AFF3: variants seen among roughly 807,000 people sequenced by gnomAD.
The protein encoded by AFF3 is ALF transcription elongation factor 3.
AFF3 carries 32 observed loss-of-function variants against 129.7 expected under a neutral mutation model. That is an observed-to-expected ratio of 0.25 (90% CI 0.19 to 0.33). The LOEUF is 0.33. Ranked by LOEUF, AFF3 falls within the 10% of genes least tolerant of loss-of-function variation. The probability of loss-of-function intolerance (pLI) is 1.00; values close to 1 mark genes in which losing one functional copy is unlikely to be tolerated. For synonymous variants in AFF3, 644 were observed against 635.4 expected (o/e 1.01, Z -0.20); for missense variants, 1,373 against 1,592.0 (o/e 0.86, Z 2.34).
chr2:99,653,372 TC>T (rs1281112040), intron 12 of AFF3, among the ~76,000 whole-genome samples: 1 of 152,156 alleles, frequency 6.6e-6, no homozygotes, highest in Non-Finnish European at 1.5e-5. Context: ...TCTGAATTTC[TC>T]CCTAGTCATG....
At chr2:99,859,254 T>C (rs1457240695) in intron 7 of AFF3, among the ~76,000 whole-genome samples, 1 of 152,214 alleles carries the variant, frequency 6.6e-6, no homozygotes, top group East Asian at 1.9e-4. Flanking sequence ...GCTGGAGCTA[T>C]CTGCAGACAT....
In AFF3 at chr2:100,065,060, C is replaced by T. The variant is rs182857936; in HGVS notation, c.53+39342G>A. The stretch of plus-strand genomic sequence containing the variant: ...TCTAACTCCCAGAAAATATAATTCA[C>T]GCACATTTTATACCACACAGCATCC... On this transcript the variant is annotated intron_variant, in intron 4 of 24. Transcript: ENST00000672756. Among the ~76,000 whole-genome samples the T allele has an allele frequency of 9.8e-5, 15 of 152,318 alleles. No homozygotes were observed. The South Asian group carries it at 1.7e-3, about 17-fold the overall frequency.
intron 4 of AFF3, among the ~76,000 whole-genome samples, chr2:100,037,670 T>A (rs1443474841): frequency 1.7e-5 from 2 of 116,598 alleles, no homozygotes; most frequent in African/African-American, 6.6e-5. Context: ...TATATATTAT[T>A]TATATATAAA....
intron 7 of AFF3, among the ~76,000 whole-genome samples, chr2:99,947,569 G>C (rs1675710557): frequency 1.4e-5 from 2 of 139,150 alleles, no homozygotes; most frequent in African/African-American, 6.1e-5. Flanking sequence ...GAAAGAGAAA[G>C]AAAGAAAAGA....
intron 12 of AFF3, among the ~76,000 whole-genome samples, chr2:99,669,187 A>G (rs1445348611): frequency 6.6e-6 from 1 of 152,190 alleles, no homozygotes; most frequent in African/African-American, 2.4e-5. Flanking sequence ...TCCAACAAAA[A>G]TGTTCCCATG....
chr2:99,921,762 G>T (rs1184252721), intron 7 of AFF3, among the ~76,000 whole-genome samples: 4 of 151,556 alleles, frequency 2.6e-5, no homozygotes. Flanking sequence ...ACCATCAAAA[G>T]AATAAACAAG....
chr2:100,050,641 A>T (rs955770573), intron 4 of AFF3, among the ~76,000 whole-genome samples: 1 of 152,232 alleles, frequency 6.6e-6, no homozygotes. Context: ...ACTGTGCACA[A>T]GTGTGCAAAA....
intron 8 of AFF3, among the ~76,000 whole-genome samples, chr2:99,813,627 A>T (rs1351234388): frequency 2.0e-5 from 3 of 152,210 alleles, no homozygotes; most frequent in Admixed American, 2.0e-4. Context: ...TATGAAAAAG[A>T]ATCAAGGAAG....
chr2:99,892,735 G>A (rs778314185), intron 7 of AFF3, among the ~76,000 whole-genome samples: 39 of 152,182 alleles, frequency 2.6e-4, no homozygotes, highest in Non-Finnish European at 1.0e-4. Flanking sequence ...TGGCTCAGGG[G>A]CTCTGCTTCC....
chr2:99,587,526 T>C (rs1190328636), intron 15 of AFF3, among the ~76,000 whole-genome samples: 1 of 152,172 alleles, frequency 6.6e-6, no homozygotes, highest in Non-Finnish European at 1.5e-5. Flanking sequence ...TGATTCAACA[T>C]TTTGAATTCT....
chr2:100,029,926 G>T (rs1317452882), intron 4 of AFF3, among the ~76,000 whole-genome samples: 1 of 152,108 alleles, frequency 6.6e-6, no homozygotes, highest in East Asian at 1.9e-4. Context: ...AATTAGCCAG[G>T]CATGGTGGTA....
chr2:99,707,672 GT>G (rs1406409798), intron 11 of AFF3: 2 of 980,278 alleles, frequency 2.0e-6, no homozygotes, highest in Non-Finnish European at 2.4e-6. Context: ...AAGAGCTTTG[GT>G]ATTTAGATGT....
At chr2:99,605,958 G>A (rs1347527219) in intron 13 of AFF3, among the ~76,000 whole-genome samples, 1 of 152,074 alleles carries the variant, frequency 6.6e-6, no homozygotes, top group African/African-American at 2.4e-5. Context: ...AAAGTGCTGG[G>A]ATTACAGGTA....
At chr2:100,035,150 T>C (rs562408660) in intron 4 of AFF3, among the ~76,000 whole-genome samples, 1 of 152,276 alleles carries the variant, frequency 6.6e-6, no homozygotes, top group South Asian at 2.1e-4. Context: ...TGGGCACCTG[T>C]GGAATCACAC....
chr2:99,953,045 T>C (rs528472494), intron 7 of AFF3, among the ~76,000 whole-genome samples: 1 of 152,326 alleles, frequency 6.6e-6, no homozygotes, highest in African/African-American at 2.4e-5. Flanking sequence ...TGCTAGTCTT[T>C]ACCGGGAACA....
chr2:99,943,560 C>T (rs1415537295), intron 7 of AFF3, among the ~76,000 whole-genome samples: 3 of 152,166 alleles, frequency 2.0e-5, no homozygotes, highest in Non-Finnish European at 2.9e-5. Context: ...CTTTCCAAAC[C>T]CTACCTCTTT....
chr2:99,781,681 C>T (rs910415921), intron 8 of AFF3, among the ~76,000 whole-genome samples: 2 of 152,074 alleles, frequency 1.3e-5, no homozygotes, highest in Non-Finnish European at 2.9e-5. Context: ...TTTGCTGGCT[C>T]GTTTTGGGGT....
chr2:99,833,575 T>C (rs1688657698), intron 8 of AFF3, among the ~76,000 whole-genome samples: 1 of 152,222 alleles, frequency 6.6e-6, no homozygotes, highest in African/African-American at 2.4e-5. Flanking sequence ...CTCTATGTTA[T>C]GAGTGTCTTC....
At chr2:99,746,935 C>T (rs1265178817) in intron 9 of AFF3, among the ~76,000 whole-genome samples, 1 of 149,894 alleles carries the variant, frequency 6.7e-6, no homozygotes, top group Non-Finnish European at 1.5e-5. Flanking sequence ...GACATAGTTT[C>T]CAGCATTAAG....
Sources: gnomAD v4.1 joint callset for allele counts (sites outside exome capture counted in the v4.1 genomes callset) on GRCh38, gnomAD v4.1.1 for gene constraint, MANE v1.5 for transcripts, NCBI Gene and HGNC (gene_info 2026-07-23, HGNC 2026-07-21) for gene names.